Variants in AMACR observed in about 807,000 individuals in gnomAD.
AMACR encodes alpha-methylacyl-CoA racemase.
In AMACR, 18 loss-of-function variants were observed where a neutral mutation model predicts 22.2. That is an observed-to-expected ratio of 0.81 (90% CI 0.56 to 1.20). The LOEUF is 1.20. AMACR is among the 50% of genes most tolerant of loss of function. AMACR has a pLI of 0.00. For missense variants in AMACR, 499 were observed against 490.6 expected (o/e 1.02, Z -0.16); for synonymous variants, 213 against 191.3 (o/e 1.11, Z -0.94).
chr5:34,000,988 C>T (rs964864347), intron 3 of AMACR, among the ~76,000 whole-genome samples: 4 of 152,124 alleles, frequency 2.6e-5, no homozygotes, highest in African/African-American at 9.7e-5. Flanking sequence ...CCACTCAGGA[C>T]AAAAACAAGC....
At chr5:33,992,897 A>C (rs1207670072) in intron 4 of AMACR, among the ~76,000 whole-genome samples, 1 of 151,770 alleles carries the variant, frequency 6.6e-6, no homozygotes, top group Admixed American at 6.6e-5. Flanking sequence ...TTCATTTTTG[A>C]AAATTGTGGT....
intron 3 of AMACR, among the ~76,000 whole-genome samples, chr5:34,001,569 A>G (rs527931472): frequency 1.3e-5 from 2 of 152,252 alleles, no homozygotes; most frequent in Non-Finnish European, 2.9e-5. Context: ...GGTGGAACTT[A>G]AAATACGTAA....
At position 33,989,223 on chromosome 5, in the gene AMACR, A is replaced by G. The variant is rs1753395355; in HGVS notation, c.1019T>C (p.Phe340Ser). ...LLLNTPAIPS[F>S]KRDPFIGEHT... Reference sequence around the variant, plus strand: ...TTCTCCTATGAAAGGATCCCTTTTGAAAGAAGGGATGGCTGGGGTGTTTAA... The same window carrying G: ...TTCTCCTATGAAAGGATCCCTTTTGGAAGAAGGGATGGCTGGGGTGTTTAA... Residue 340 changes from phenylalanine to serine, a missense_variant, in exon 5 of 5, where the codon TTC becomes TCC. By Grantham distance (155) the Phe-to-Ser change is radical. Transcript: ENST00000335606. The G allele has an allele frequency of 2.5e-6, 4 of 1,614,160 alleles. No homozygotes were observed. Among genetic ancestry groups the G allele is most frequent in the Admixed American group, 1.7e-5 (1 of 60,014 alleles).
intron 3 of AMACR, among the ~76,000 whole-genome samples, chr5:34,001,810 C>T (rs1224986766): frequency 1.3e-5 from 2 of 152,146 alleles, no homozygotes; most frequent in Non-Finnish European, 2.9e-5. Context: ...AGGTATCTGC[C>T]TTCCCCTAAT....
chr5:33,991,628 C>T (rs1287511333), intron 4 of AMACR, among the ~76,000 whole-genome samples: 1 of 151,960 alleles, frequency 6.6e-6, no homozygotes, highest in Admixed American at 6.6e-5. Flanking sequence ...ATGCCATAAA[C>T]TTTACTGCTT....
At chr5:34,002,973 G>T (rs1313716949) in intron 3 of AMACR, among the ~76,000 whole-genome samples, 1 of 152,188 alleles carries the variant, frequency 6.6e-6, no homozygotes, top group South Asian at 2.1e-4. Context: ...TTGGAGATGA[G>T]GGGGTTTCTG....
Position 33,988,191 on chromosome 5 carries a change from G to T in AMACR, c.*902C>A, listed in dbSNP as rs900125075. ...GAGTCCAGGGAAGCTCCAGGAGCAG[G>T]CTGGTTTTATGTAAAGACAATCCCG... On this transcript the variant is annotated 3_prime_UTR_variant, in exon 5 of 5. Coordinates refer to ENST00000335606, the MANE Select transcript of AMACR (RefSeq NM_014324.6). 4 of 900,350 alleles carry T rather than the reference G, an allele frequency of 4.4e-6. No homozygotes were observed. Among genetic ancestry groups the T allele is most frequent in the Non-Finnish European group, 6.6e-6 (4 of 604,326 alleles). The allele number at this position is 900,350 out of a possible 1,614,324, so 55.8% of individuals were successfully genotyped here.
In AMACR at chr5:33,988,943, A is replaced by T; in HGVS notation, c.*150T>A. On this transcript the variant is annotated 3_prime_UTR_variant, in exon 5 of 5. Transcript: ENST00000335606. ...TAACCATTTTTAGAATTCAATCATCACTGTAGAATCAGAGTCTGTAATTCT... is the reference window on the plus strand; with the variant it reads ...TAACCATTTTTAGAATTCAATCATCTCTGTAGAATCAGAGTCTGTAATTCT... 3 of 1,469,960 alleles carry T rather than the reference A, an allele frequency of 2.0e-6. No homozygotes were observed. The highest frequency in any genetic ancestry group is 2.7e-6 in the Non-Finnish European group (3 of 1,115,678). The allele number at this position is 1,469,960 out of a possible 1,614,324, so 91.1% of individuals were successfully genotyped here. A position where few individuals can be genotyped will look rare whatever the true frequency, so the allele number is the denominator to read the frequency against.
intron 4 of AMACR, among the ~76,000 whole-genome samples, chr5:33,992,727 T>C (rs1278081561): frequency 6.6e-6 from 1 of 152,108 alleles, no homozygotes; most frequent in Admixed American, 6.5e-5. Context: ...TAAAATAGAA[T>C]AGAATAATTG....
In AMACR at chr5:34,007,754, C is replaced by G. The variant is rs1425113575; in HGVS notation, c.247+19G>C. 1 of 1,536,820 alleles carries G rather than the reference C, an allele frequency of 6.5e-7. No homozygotes were observed. The highest frequency in any genetic ancestry group is 8.7e-7 in the Non-Finnish European group (1 of 1,147,342). The stretch of plus-strand genomic sequence containing the variant: ...TCCGCGGGAACTTCCCGAGAGCAGC[C>G]CGCGGGGCCCGGGCTCACCGCGGCG... On this transcript the variant is annotated intron_variant, in intron 1 of 4. Transcript: ENST00000335606.
At chr5:34,002,051 T>C (rs1443450738) in intron 3 of AMACR, among the ~76,000 whole-genome samples, 1 of 152,184 alleles carries the variant, frequency 6.6e-6, no homozygotes, top group Non-Finnish European at 1.5e-5. Context: ...GGCTGAAGTG[T>C]AGTAGTGTGG....
At chr5:34,000,267 G>A (rs1210477762) in intron 3 of AMACR, among the ~76,000 whole-genome samples, 1 of 152,132 alleles carries the variant, frequency 6.6e-6, no homozygotes, top group African/African-American at 2.4e-5. Flanking sequence ...AGAGCCTAAC[G>A]CCGAATCAAT....
chr5:34,002,376 TTGA>T (rs1272140785), intron 3 of AMACR, among the ~76,000 whole-genome samples: 2 of 152,266 alleles, frequency 1.3e-5, no homozygotes, highest in African/African-American at 4.8e-5. Context: ...TTATTTATAT[TTGA>T]TGATAATCAA....
At chr5:33,998,926 C>G in intron 3 of AMACR, 99 bp from the exon 4 acceptor site, 2 of 1,144,774 alleles carry the variant, frequency 1.7e-6, no homozygotes, top group Non-Finnish European at 2.6e-6. Context: ...CGTAAAAATT[C>G]TTATCTTAGA....
chr5:33,993,468 T>G (rs1189004196), intron 4 of AMACR, among the ~76,000 whole-genome samples: 1 of 152,220 alleles, frequency 6.6e-6, no homozygotes, highest in East Asian at 1.9e-4. Context: ...ATCATACAAT[T>G]CTATGTCTAA....
chr5:33,988,213 C>T lies in AMACR; in HGVS notation c.*880G>A. On this transcript the variant is annotated 3_prime_UTR_variant, in exon 5 of 5. Coordinates refer to ENST00000335606, the MANE Select transcript of AMACR (RefSeq NM_014324.6). ...CAGGCTGGTTTTATGTAAAGACAAT[C>T]CCGTCTTCTTTGTCAAAGACAGGTA... 1 of 1,152,372 alleles carries T rather than the reference C, an allele frequency of 8.7e-7. No homozygotes were observed. The allele number at this position is 1,152,372 out of a possible 1,614,324, so 71.4% of individuals were successfully genotyped here.
At chr5:33,989,951 T>C (rs1025977054) in intron 4 of AMACR, among the ~76,000 whole-genome samples, 1 of 152,180 alleles carries the variant, frequency 6.6e-6, no homozygotes, top group Non-Finnish European at 1.5e-5. Flanking sequence ...TGAAGACAAA[T>C]TATTTAATTC....
intron 4 of AMACR, among the ~76,000 whole-genome samples, chr5:33,991,413 G>T (rs1753468569): frequency 1.3e-5 from 2 of 152,124 alleles, no homozygotes; most frequent in South Asian, 4.1e-4. Flanking sequence ...ATCCATAATT[G>T]TATAAATACA....
chr5:33,997,501 A>G (rs1437026929), intron 4 of AMACR: 2 of 780,396 alleles, frequency 2.6e-6, no homozygotes, highest in Middle Eastern at 2.3e-4. Context: ...ATTTTCAGCA[A>G]GATCAGTTCT....
Sources: gnomAD v4.1 joint callset for allele counts (sites outside exome capture counted in the v4.1 genomes callset) on GRCh38, gnomAD v4.1.1 for gene constraint, MANE v1.5 for transcripts, NCBI Gene and HGNC (gene_info 2026-07-23, HGNC 2026-07-21) for gene names.